SASH1: variants seen among roughly 807,000 people sequenced by gnomAD.
SASH1 encodes the protein SAM and SH3 domain containing 1, also known as SAM and SH3 domain-containing protein 1.
A neutral mutation model predicts 125.2 loss-of-function variants in SASH1; 44 were observed. The observed-to-expected ratio is 0.35, with a 90% CI of 0.28 to 0.45. The LOEUF is 0.45. SASH1 is among the 20% of genes least tolerant of loss of function. The pLI is 1.00. For synonymous variants in SASH1, 639 were observed against 649.1 expected (o/e 0.98, Z 0.24); for missense variants, 1,426 against 1,614.5 (o/e 0.88, Z 2.00).
chr6:148,452,160 A>G (rs566045031), intron 4 of SASH1, among the ~76,000 whole-genome samples: 4 of 152,368 alleles, frequency 2.6e-5, no homozygotes, highest in South Asian at 2.1e-4. Flanking sequence ...GGTGGGAAGC[A>G]TAGGCAAAAT....
At chr6:148,448,890 G>A (rs1028181530) in intron 4 of SASH1, among the ~76,000 whole-genome samples, 1 of 151,858 alleles carries the variant, frequency 6.6e-6, no homozygotes, top group African/African-American at 2.4e-5. Context: ...CTCTATCCTT[G>A]AGAAACTTTT....
chr6:148,256,779 G>A, the SASH1 span, among the ~76,000 whole-genome samples: 2 of 152,120 alleles, frequency 1.3e-5, no homozygotes, highest in African/African-American at 2.4e-5. Flanking sequence ...CTATGCATTT[G>A]TCAAATCTTA....
At chr6:148,200,962 G>C in the SASH1 span, among the ~76,000 whole-genome samples, 1 of 152,132 alleles carries the variant, frequency 6.6e-6, no homozygotes, top group Non-Finnish European at 1.5e-5. Flanking sequence ...ACTTTTGGCT[G>C]ATGTGACAAG....
At chr6:148,421,469 A>G (rs1785101705) in intron 2 of SASH1, among the ~76,000 whole-genome samples, 1 of 152,082 alleles carries the variant, frequency 6.6e-6, no homozygotes, top group South Asian at 2.1e-4. Context: ...ATGCCCAGCT[A>G]ATTTTTGTAT....
the SASH1 span, among the ~76,000 whole-genome samples, chr6:148,208,137 G>T: frequency 6.6e-6 from 1 of 152,128 alleles, no homozygotes; most frequent in Non-Finnish European, 1.5e-5. Context: ...GAGACCATAA[G>T]CTCAGGACGG....
At chr6:148,293,215 C>A (rs1008795066) in intron 1 of SASH1, among the ~76,000 whole-genome samples, 1 of 152,182 alleles carries the variant, frequency 6.6e-6, no homozygotes, top group African/African-American at 2.4e-5. Flanking sequence ...GTGCTCAGTG[C>A]TGCTGGGAAT....
At chr6:148,274,228 C>T (rs1582903888) in intron 1 of SASH1, among the ~76,000 whole-genome samples, 1 of 152,164 alleles carries the variant, frequency 6.6e-6, no homozygotes, top group Non-Finnish European at 1.5e-5. Context: ...ACATGGCTGG[C>T]AGGTTCTCCT....
chr6:148,231,837 T>C, the SASH1 span, among the ~76,000 whole-genome samples: 2 of 152,200 alleles, frequency 1.3e-5, no homozygotes, highest in East Asian at 1.9e-4. Context: ...ATCAGGAATG[T>C]TGTAGAAGAA....
chr6:148,440,626 A>G (rs1389998151), intron 4 of SASH1: 1 of 562,026 alleles, frequency 1.8e-6, no homozygotes, highest in Non-Finnish European at 3.1e-6. Context: ...AGAGTTACTG[A>G]TTTTACACTT....
chr6:148,504,953 G>A (rs1021400833), intron 8 of SASH1, among the ~76,000 whole-genome samples: 5 of 152,108 alleles, frequency 3.3e-5, no homozygotes, highest in South Asian at 2.1e-4. Flanking sequence ...AGGAGAGGCC[G>A]CTCAGGGGAA....
At chr6:148,221,326 G>A in the SASH1 span, among the ~76,000 whole-genome samples, 1 of 152,144 alleles carries the variant, frequency 6.6e-6, no homozygotes, top group East Asian at 1.9e-4. Flanking sequence ...ACTTTCATTC[G>A]TGACTGGTAT....
upstream of SASH1, among the ~76,000 whole-genome samples, chr6:148,268,641 T>C (rs1778994559): frequency 6.6e-6 from 1 of 152,236 alleles, no homozygotes; most frequent in African/African-American, 2.4e-5. Flanking sequence ...CTGTTCCCTC[T>C]GGGGTCACAT....
chr6:148,547,360 G>C lies in SASH1; in HGVS notation c.3481-935G>C, dbSNP rs146394220. ...ATGATTGTCAGGTGGGACAGAGCTG[G>C]GTGGTGTGAGATTTCTTCAGACTAC... On this transcript the variant is annotated intron_variant, in intron 19 of 19. Coordinates refer to ENST00000367467, the MANE Select transcript of SASH1 (RefSeq NM_015278.5). 5.3e-3 allele frequency among the ~76,000 whole-genome samples: 810 copies of C among 152,204 alleles called. 6 individuals are homozygous for C. Among genetic ancestry groups the C allele is most frequent in the African/African-American group, 0.015 (634 of 41,524 alleles).
At position 148,548,341 on chromosome 6, in the gene SASH1, C is replaced by T. The variant is rs1782683015; in HGVS notation, c.3527C>T (p.Pro1176Leu). ...GAAATCTGCCGAAAGCCCGTCTCTC[C>T]TGGGTGCATTTCGTCTGTGTCAGAT... is the stretch of plus-strand genomic sequence containing the variant. ...LTEICRKPVS[P>L]GCISSVSDWL... Residue 1176 changes from proline to leucine, a missense_variant, in exon 20 of 20, where the codon CCT (proline) becomes CTT (leucine). Transcript: ENST00000367467. The T allele has an allele frequency of 6.2e-7, 1 of 1,614,214 alleles. No homozygotes were observed. The highest frequency in any genetic ancestry group is 1.3e-5 in the African/African-American group (1 of 75,074).
intron 1 of SASH1, among the ~76,000 whole-genome samples, chr6:148,330,813 T>C (rs1027702859): frequency 6.6e-6 from 1 of 152,194 alleles, no homozygotes; most frequent in African/African-American, 2.4e-5. Context: ...CTCGAACTCC[T>C]GACCTCAGGT....
chr6:148,338,575 C>T (rs982307478), upstream of SASH1, among the ~76,000 whole-genome samples: 3 of 152,100 alleles, frequency 2.0e-5, no homozygotes, highest in African/African-American at 4.8e-5. Flanking sequence ...AGATCTTTTT[C>T]GAGGCCCTTT....
At chr6:148,397,449 C>T (rs1784004684) in intron 2 of SASH1, among the ~76,000 whole-genome samples, 1 of 152,124 alleles carries the variant, frequency 6.6e-6, no homozygotes, top group Non-Finnish European at 1.5e-5. Context: ...CGCACTATTG[C>T]ACTGCAGCCT....
chr6:148,549,845 T>C lies in SASH1; in HGVS notation c.*1287T>C, dbSNP rs1782791269. 3.3e-6 allele frequency: 1 copy of C among 299,382 alleles called. No homozygotes were observed. Among genetic ancestry groups the C allele is most frequent in the East Asian group, 5.0e-5 (1 of 20,072 alleles). The allele number at this position is 299,382 out of a possible 1,614,324, so 18.5% of individuals were successfully genotyped here. On this transcript the variant is annotated 3_prime_UTR_variant, in exon 20 of 20. Transcript: ENST00000367467. ...TTTTTTTGAAATGGAGTTTCGCTCT[T>C]GTCACCCAGGCTGGAGTGCAATGGC...
In SASH1 at chr6:148,544,970, T is replaced by G. The variant is rs1004571923; in HGVS notation, c.3348+152T>G. 1.6e-5 allele frequency: 11 copies of G among 677,302 alleles called. No homozygotes were observed. The highest frequency in any genetic ancestry group is 2.7e-5 in the Non-Finnish European group (11 of 408,724). The allele number at this position is 677,302 out of a possible 1,614,324, so 42.0% of individuals were successfully genotyped here. A position where few individuals can be genotyped will look rare whatever the true frequency, so the allele number is the denominator to read the frequency against. On this transcript the variant is annotated intron_variant, in intron 18 of 19. Transcript: ENST00000367467. The surrounding 1 kb of genome is among the most constrained non-coding windows in gnomAD (Gnocchi z 6.4). ...CCACGTGTCCACACCTTACTTGACA[T>G]GCATGTGTTCAGATATTGACACCAC...
Sources: gnomAD v4.1 joint callset for allele counts (sites outside exome capture counted in the v4.1 genomes callset) on GRCh38, gnomAD v4.1.1 for gene constraint, Gnocchi (gnomAD v3.1) non-coding constraint, MANE v1.5 for transcripts, NCBI Gene and HGNC (gene_info 2026-07-23, HGNC 2026-07-21) for gene names.